SPTBN5: variants seen among roughly 807,000 people sequenced by gnomAD.
SPTBN5 encodes spectrin beta, non-erythrocytic 5.
In SPTBN5, 513 loss-of-function variants were observed where a neutral mutation model predicts 477.6. The ratio of observed to expected loss-of-function variants is 1.07; its 90% CI spans 1.00 to 1.16. The LOEUF (loss-of-function observed/expected upper bound fraction) is 1.16. Among genes scored for constraint, SPTBN5 ranks in the 50% most tolerant of loss-of-function variants. The pLI is 0.00. For missense variants in SPTBN5, 5,062 were observed against 4,731.8 expected, an observed-to-expected ratio of 1.07 and a Z score of -2.05; for synonymous variants, 2,169 against 2,011.7, an observed-to-expected ratio of 1.08 and a Z score of -2.09.
rs1218028556 is a variant in SPTBN5 at position 41,850,887 on chromosome 15, C to T, written c.10888G>A (p.Glu3630Lys). ...LFAAPSEEQA[E>K]SWWRALGSTA... ...CTGCCCAGGGCTCGCCACCAGCTCTCAGCCTGCTCTTCGGACGGTGCTGCA... is the reference window on the plus strand; with the variant it reads ...CTGCCCAGGGCTCGCCACCAGCTCTTAGCCTGCTCTTCGGACGGTGCTGCA... Residue 3630 changes from glutamate to lysine, a missense_variant, in exon 66 of 68, where the codon GAG (glutamate) becomes AAG (lysine). Transcript: ENST00000320955. 3 of 1,604,280 alleles carry T rather than the reference C, an allele frequency of 1.9e-6. No homozygotes were observed. Among genetic ancestry groups the T allele is most frequent in the Non-Finnish European group, 2.6e-6 (3 of 1,176,208 alleles).
chr15:41,872,246 T>G, intron 27 of SPTBN5, 56 bp downstream of exon 27: 2 of 1,559,714 alleles, frequency 1.3e-6, no homozygotes, highest in Non-Finnish European at 1.7e-6. Context: ...ATGGGAACAG[T>G]CAGCTGTGGC....
Position 41,887,996 on chromosome 15 carries a change from C to T in SPTBN5, c.591G>A (p.Val197=). The T allele has an allele frequency of 6.2e-7, 1 of 1,603,882 alleles. No homozygotes were observed. Among genetic ancestry groups the T allele is most frequent in the Non-Finnish European group, 8.5e-7 (1 of 1,175,552 alleles). Residue 197 remains valine, a synonymous_variant, in exon 5 of 68, where the codon GTG becomes GTA. Coordinates refer to ENST00000320955, the MANE Select transcript of SPTBN5 (RefSeq NM_016642.4). Reference sequence around the variant, plus strand: ...AGCTTCGGGAGAAATCTGTAATGTTCACGTTGGTGTAGCTGGCTGTCTTCC... The same window carrying T: ...AGCTTCGGGAGAAATCTGTAATGTTTACGTTGGTGTAGCTGGCTGTCTTCC... ...CQRKTASYTN[V]NITDFSRSWS...
At position 41,877,220 on chromosome 15, in the gene SPTBN5, A is replaced by G; in HGVS notation, c.3607T>C (p.Trp1203Arg). The change falls in exon 18 of 68, where the codon TGG becomes CGG. Residue 1203 changes from tryptophan (W) to arginine (R), a missense_variant. Transcript: ENST00000320955. Reference sequence around the variant, plus strand: ...TGCAGCTCCAGCCCCTCTTGCAGCCACTGCTGCCTCTGCTCCCACAAAACC... The same window carrying G: ...TGCAGCTCCAGCCCCTCTTGCAGCCGCTGCTGCCTCTGCTCCCACAAAACC... ...LKVLWEQRQQ[W>R]LQEGLELQKF... is the part of the protein sequence containing the mutation. The G allele has an allele frequency of 6.2e-7, 1 of 1,613,958 alleles. No individual in the cohort carries two copies. The highest frequency in any genetic ancestry group is 8.5e-7 in the Non-Finnish European group (1 of 1,179,894).
intron 40 of SPTBN5, 32 bp from the exon 41 acceptor site, chr15:41,863,850 C>T (rs1433983510): frequency 7.4e-6 from 12 of 1,612,986 alleles, no homozygotes; most frequent in Non-Finnish European, 8.5e-6. Flanking sequence ...CATGTGGAGC[C>T]TGAGGTGGCC....
rs1248180800 is a variant in SPTBN5 at position 41,848,202 on chromosome 15, C to G, written c.*414G>C. The G allele has an allele frequency of 1.2e-5, 6 of 508,944 alleles. No homozygotes were observed. The East Asian group carries it at 2.1e-4, about 18-fold the overall frequency. The allele number at this position is 508,944 out of a possible 1,614,324, so 31.5% of individuals were successfully genotyped here. A position where few individuals can be genotyped will look rare whatever the true frequency, so the allele number is the denominator to read the frequency against. The stretch of plus-strand genomic sequence containing the variant: ...GAGAAGGGCCATGTCATTCTAGGCT[C>G]TTGGCTGTACATGGCAAGGGCTGGT... On this transcript the variant is annotated 3_prime_UTR_variant, in exon 68 of 68. Transcript: ENST00000320955.
At chr15:41,891,318 G>A (rs2067305323) in intron 3 of SPTBN5, among the ~76,000 whole-genome samples, 1 of 152,216 alleles carries the variant, frequency 6.6e-6, no homozygotes, top group African/African-American at 2.4e-5. Flanking sequence ...CCCTGTGGGA[G>A]GAGCTGCAAT....
intron 32 of SPTBN5, among the ~76,000 whole-genome samples, chr15:41,868,887 G>C (rs2066434270): frequency 6.6e-6 from 1 of 152,164 alleles, no homozygotes; most frequent in Non-Finnish European, 1.5e-5. Flanking sequence ...AGCTCACCTG[G>C]ATGAGGCCAT....
At chr15:41,860,523 C>T in intron 47 of SPTBN5, 63 bp downstream of exon 47, 2 of 1,325,338 alleles carry the variant, frequency 1.5e-6, no homozygotes, top group Non-Finnish European at 1.9e-6. Flanking sequence ...AAGGGAAGAA[C>T]CGGGATGCCA....
intron 33 of SPTBN5, 70 bp downstream of exon 33, chr15:41,868,328 G>A (rs973430706): frequency 3.3e-5 from 52 of 1,561,948 alleles, no homozygotes; most frequent in African/African-American, 8.1e-5. Context: ...ACAGTAGGAC[G>A]GGGCACCAGG....
chr15:41,892,924 G>A lies in SPTBN5; in HGVS notation c.354C>T (p.Ser118=). 2 of 1,606,228 alleles carry A rather than the reference G, an allele frequency of 1.2e-6. No homozygotes were observed. Among genetic ancestry groups the A allele is most frequent in the South Asian group, 1.1e-5 (1 of 90,954 alleles). The change falls in exon 3 of 68, where the codon AGC becomes AGT. Residue 118 remains serine, a synonymous_variant. Coordinates refer to ENST00000320955, the MANE Select transcript of SPTBN5 (RefSeq NM_016642.4). ...CCCTGAGGAAGGCCAGAGCTCGGCT[G>A]CTGTTCTCCAGGAAGTGCACACGCA... The part of the protein sequence containing the change: ...GRLRVHFLEN[S]SRALAFLRAK...
At position 41,866,218 on chromosome 15, in the gene SPTBN5, A is replaced by C. The variant is rs761850697; in HGVS notation, c.6642T>G (p.Ala2214=). The C allele has an allele frequency of 6.3e-6, 10 of 1,591,104 alleles. No homozygotes were observed. Among genetic ancestry groups the C allele is most frequent in the Non-Finnish European group, 8.5e-6 (10 of 1,171,250 alleles). Residue 2214 remains alanine (A), a synonymous_variant, in exon 38 of 68, where the codon GCT becomes GCG. Transcript: ENST00000320955. ...CTCGAGGGTGACTCTGTGCCAGGAGAGCCTCTCCCTTCTGGAGGGAGAGAG... is the reference window on the plus strand; with the variant it reads ...CTCGAGGGTGACTCTGTGCCAGGAGCGCCTCTCCCTTCTGGAGGGAGAGAG... ...VMTSVAKKGE[A]LLAQSHPRAG... is the part of the protein sequence containing the mutation.
Position 41,864,044 on chromosome 15 carries a change from G to A in SPTBN5, c.6919-20C>T, listed in dbSNP as rs748343514. The A allele has an allele frequency of 6.3e-7, 1 of 1,594,646 alleles. No homozygotes were observed. Among genetic ancestry groups the A allele is most frequent in the Admixed American group, 1.7e-5 (1 of 59,596 alleles). On this transcript the variant is annotated intron_variant, in intron 39 of 67. Transcript: ENST00000320955. ...TGTGTCCTGCAGGGGAGGTATGGGT[G>A]AGGGCATTGGCACCCCCCATGCAGA...
At position 41,877,267 on chromosome 15, in the gene SPTBN5, C is replaced by T. The variant is rs1357431397; in HGVS notation, c.3560G>A (p.Gly1187Glu). ...AACCTTCAGCTCCTGGCCCTGCTGC[C>T]CCAGGACCCTCAGAGTGTTGGGCAC... ...QEVPNTLRVL[G>E]QQGQELKVLW... The change falls in exon 18 of 68, where the codon GGG becomes GAG. Residue 1187 changes from glycine to glutamate, a missense_variant. Gly to Glu is a moderately conservative substitution (Grantham distance 98, BLOSUM62 -2). Coordinates refer to ENST00000320955, the MANE Select transcript of SPTBN5 (RefSeq NM_016642.4). The T allele has an allele frequency of 6.2e-6, 10 of 1,613,938 alleles. No individual in the cohort carries two copies. Among genetic ancestry groups the T allele is most frequent in the Non-Finnish European group, 7.6e-6 (9 of 1,179,878 alleles).
At chr15:41,860,901 A>T (rs1477750353) in intron 46 of SPTBN5, 143 bp from the exon 47 acceptor site, 4 of 839,118 alleles carry the variant, frequency 4.8e-6, no homozygotes, top group Non-Finnish European at 6.8e-6. Flanking sequence ...ACATCCCTCA[A>T]GGCTGTTTCC....
intron 6 of SPTBN5, 21 bp from the exon 7 acceptor site, chr15:41,886,387 G>A (rs1187278091): frequency 6.4e-7 from 1 of 1,561,484 alleles, no homozygotes; most frequent in Admixed American, 1.8e-5. Context: ...GCATAGGAAG[G>A]GGTCAGGGTC....
chr15:41,887,154 C>T (rs12593320), intron 6 of SPTBN5, 59 bp downstream of exon 6: 36 of 1,484,232 alleles, frequency 2.4e-5, no homozygotes, highest in South Asian at 1.7e-4. Flanking sequence ...GCAGGCTTCA[C>T]GCTTAGGCCT....
intron 67 of SPTBN5, among the ~76,000 whole-genome samples, chr15:41,849,592 CAG>C (rs947245484): frequency 6.6e-6 from 1 of 152,126 alleles, no homozygotes; most frequent in African/African-American, 2.4e-5. Context: ...AGGAAGGGCA[CAG>C]GGAGCCTGGG....
At chr15:41,891,566 A>G (rs1205940344) in intron 3 of SPTBN5, among the ~76,000 whole-genome samples, 4 of 152,152 alleles carry the variant, frequency 2.6e-5, no homozygotes, top group African/African-American at 9.7e-5. Context: ...TATTAACGCC[A>G]TAGGATCAGC....
chr15:41,862,083 G>C (rs2066129869), intron 44 of SPTBN5, 47 bp downstream of exon 44: 1 of 1,398,960 alleles, frequency 7.1e-7, no homozygotes, highest in South Asian at 1.4e-5. Flanking sequence ...GGGAGGGCAG[G>C]GCGGAGCTGA....
Sources: allele counts gnomAD v4.1 joint callset (sites outside exome capture counted in the v4.1 genomes callset), GRCh38; gene constraint gnomAD v4.1.1; transcripts MANE v1.5; gene names NCBI Gene and HGNC (gene_info 2026-07-23, HGNC 2026-07-21).